NLRP1: variants seen among roughly 807,000 people sequenced by gnomAD.
The protein encoded by NLRP1 is NLR family pyrin domain containing 1.
NLRP1 carries 94 observed loss-of-function variants against 136.7 expected under a neutral mutation model. The observed-to-expected ratio is 0.69, with a 90% CI of 0.58 to 0.82. The LOEUF (loss-of-function observed/expected upper bound fraction) is 0.82, where lower values mean the gene tolerates loss of function less well. NLRP1 is among the 40% of genes least tolerant of loss of function. The pLI is 0.00. For synonymous variants in NLRP1, 690 were observed against 725.1 expected (o/e 0.95, Z 0.78); for missense variants, 1,575 against 1,802.7 (o/e 0.87, Z 2.29).
intron 4 of NLRP1, 121 bp downstream of exon 4, chr17:5,558,218 C>T: frequency 9.6e-7 from 1 of 1,038,866 alleles, no homozygotes; most frequent in Non-Finnish European, 1.4e-6. Flanking sequence ...TCACTGGAGA[C>T]CCTGATCCTT....
intron 7 of NLRP1, among the ~76,000 whole-genome samples, chr17:5,538,116 T>C (rs1911326518): frequency 2.0e-5 from 3 of 152,196 alleles, no homozygotes; most frequent in African/African-American, 7.2e-5. Context: ...CTGAGAAGGC[T>C]CTGGATGTGG....
chr17:5,566,830 T>C (rs1915389435), intron 3 of NLRP1, among the ~76,000 whole-genome samples: 2 of 152,280 alleles, frequency 1.3e-5, no homozygotes, highest in African/African-American at 4.8e-5. Flanking sequence ...TTCCTTTACA[T>C]ATCTGGGTGT....
rs192390062 is a variant in NLRP1, at chr17:5,539,371, C to G, written c.2870+44G>C. 5,099 of 1,561,140 alleles carry G rather than the reference C, an allele frequency of 3.3e-3. 20 individuals carry two copies. The highest frequency in any genetic ancestry group is 9.3e-3 in the South Asian group (774 of 83,308). On this transcript the variant is annotated intron_variant, in intron 7 of 16. Transcript: ENST00000572272. The stretch of plus-strand genomic sequence containing the variant: ...TTTCCATCCCCTGTCCGATACCCCC[C>G]CAACCCTCTTCCCTCTGCCCAGAAG...
intron 15 of NLRP1, among the ~76,000 whole-genome samples, chr17:5,506,431 A>C (rs1907338839): frequency 6.6e-6 from 1 of 152,220 alleles, no homozygotes; most frequent in African/African-American, 2.4e-5. Flanking sequence ...GTATATACCC[A>C]AAAGAGTTGA....
rs528737161 is a variant in NLRP1 at position 5,579,456 on chromosome 17, T to C, written c.652+2403A>G. Among the ~76,000 whole-genome samples, 22 of 152,270 alleles carry C rather than the reference T, an allele frequency of 1.4e-4. No homozygotes were observed. In the South Asian group the frequency reaches 3.5e-3, roughly 24 times the overall value. ...CAAAAAATAACAGATATTGGTGAGA[T>C]TGCAGAGAAACAGGAACACTTATAC... On this transcript the variant is annotated intron_variant, in intron 3 of 16. Transcript: ENST00000572272.
Position 5,553,565 on chromosome 17 carries a change from G to A in NLRP1, c.2358-9C>T. The A allele has an allele frequency of 1.2e-6, 2 of 1,612,092 alleles. No individual in the cohort carries two copies. Among genetic ancestry groups the A allele is most frequent in the Non-Finnish European group, 8.5e-7 (1 of 1,178,642 alleles). ...CTGGGACCCACCTGAACCTGAGGGG[G>A]AGAGAGAAGGACAGGAGAGATGTGA... On this transcript the variant is annotated splice_polypyrimidine_tract_variant and intron_variant, in intron 4 of 16. Transcript: ENST00000572272.
At chr17:5,534,785 A>C (rs187758046) in intron 8 of NLRP1, among the ~76,000 whole-genome samples, 77 of 152,300 alleles carry the variant, frequency 5.1e-4, no homozygotes, top group Admixed American at 2.5e-3. Flanking sequence ...GGGAAAATGG[A>C]AAGTTTTTAA....
chr17:5,560,510 A>G (rs903462963), intron 3 of NLRP1, among the ~76,000 whole-genome samples: 5 of 152,186 alleles, frequency 3.3e-5, no homozygotes, highest in African/African-American at 1.2e-4. Context: ...AGTACCTGCC[A>G]ATGGTGTCCC....
rs755028729 is a variant in NLRP1, at chr17:5,519,848, CTTTTTTTTTTTTT to C, written c.3915+1020_3915+1032del. Among the ~76,000 whole-genome samples the C allele has an allele frequency of 1.0e-4, 9 of 90,252 alleles. No homozygotes were observed. The South Asian group carries it at 2.0e-3, about 20-fold the overall frequency. The allele number at this position is 90,252 out of a possible 152,430, so 59.2% of individuals were successfully genotyped here. On this transcript the variant is annotated intron_variant, in intron 14 of 16. Transcript: ENST00000572272. ...GCATCTTTATGAAAGTAAATCAGGT[CTTTTTTTTTTTTT>C]TTTTTTTTTTTTTGAGACAGAGTCT...
At chr17:5,532,254 A>T (rs1417401873) in intron 11 of NLRP1, among the ~76,000 whole-genome samples, 1 of 152,138 alleles carries the variant, frequency 6.6e-6, no homozygotes, top group Non-Finnish European at 1.5e-5. Flanking sequence ...CTCAAAACCA[A>T]ATCAAACCAA....
At chr17:5,502,456 T>G (rs1413634583) in intron 15 of NLRP1, 1 of 155,606 alleles carries the variant, frequency 6.4e-6, no homozygotes, top group Non-Finnish European at 1.4e-5. Context: ...GCCCAGCTAA[T>G]TTTTTGTATT....
chr17:5,535,440 C>T (rs1910920729), intron 8 of NLRP1, among the ~76,000 whole-genome samples: 5 of 152,180 alleles, frequency 3.3e-5, no homozygotes, highest in Admixed American at 3.3e-4. Flanking sequence ...TCTACTTCTG[C>T]CTGGACTCCA....
chr17:5,578,798 A>G (rs1160579810), intron 3 of NLRP1, among the ~76,000 whole-genome samples: 1 of 152,246 alleles, frequency 6.6e-6, no homozygotes, highest in Non-Finnish European at 1.5e-5. Flanking sequence ...GCTGCTATAA[A>G]GACACATGCA....
intron 3 of NLRP1, among the ~76,000 whole-genome samples, chr17:5,575,010 A>G (rs1904866793): frequency 6.6e-6 from 1 of 152,140 alleles, no homozygotes. Flanking sequence ...AGAATTTCAT[A>G]TCCAGCCAAA....
chr17:5,564,269 T>C (rs1915081750), intron 3 of NLRP1, among the ~76,000 whole-genome samples: 1 of 152,220 alleles, frequency 6.6e-6, no homozygotes, highest in Admixed American at 6.5e-5. Flanking sequence ...GTCACCCTAT[T>C]GTGCTATCAA....
intron 3 of NLRP1, among the ~76,000 whole-genome samples, chr17:5,560,967 C>T (rs192238040): frequency 6.6e-6 from 1 of 152,346 alleles, no homozygotes; most frequent in East Asian, 1.9e-4. Flanking sequence ...AGTCAGATTC[C>T]AAATAGAACA....
chr17:5,581,897 T>C lies in NLRP1; in HGVS notation c.614A>G (p.Gln205Arg). The C allele has an allele frequency of 6.2e-7, 1 of 1,613,334 alleles. No individual in the cohort carries two copies. The highest frequency in any genetic ancestry group is 8.5e-7 in the Non-Finnish European group (1 of 1,179,962). Reference protein sequence around the residue: ...APREQEAPGTQWPLDETSGIY... With the variant: ...APREQEAPGTRWPLDETSGIY... The stretch of plus-strand genomic sequence containing the variant: ...TCCTGACGTTTCATCCAGAGGCCAT[T>C]GGGTCCCAGGAGCCTCCTGCTCTCT... Residue 205 changes from glutamine (Q) to arginine (R), a missense_variant, in exon 3 of 17, where the codon CAA becomes CGA. Transcript: ENST00000572272.
At chr17:5,536,349 A>G (rs1379237405) in intron 8 of NLRP1, among the ~76,000 whole-genome samples, 1 of 149,418 alleles carries the variant, frequency 6.7e-6, no homozygotes, top group East Asian at 2.0e-4. Context: ...GGGTTTCACC[A>G]TGTTGGTCAG....
At chr17:5,568,033 A>C (rs1240311229) in intron 3 of NLRP1, among the ~76,000 whole-genome samples, 3 of 152,042 alleles carry the variant, frequency 2.0e-5, no homozygotes, top group African/African-American at 7.2e-5. Flanking sequence ...AAATGCCTTG[A>C]GGTAGTCTAC....
Sources: gnomAD v4.1 joint callset for allele counts (sites outside exome capture counted in the v4.1 genomes callset) on GRCh38, gnomAD v4.1.1 for gene constraint, MANE v1.5 for transcripts, NCBI Gene and HGNC (gene_info 2026-07-23, HGNC 2026-07-21) for gene names.